The following SEC14L5 variants were observed in gnomAD, a reference collection of about 807,000 sequenced individuals.
SEC14L5 encodes the protein SEC14 like lipid binding 5, also known as SEC14-like protein 5.
SEC14L5 carries 96 observed loss-of-function variants against 84.6 expected under a neutral mutation model. The ratio of observed to expected loss-of-function variants is 1.13; its 90% CI spans 0.96 to 1.34. The LOEUF is 1.34. Among genes scored for constraint, SEC14L5 ranks in the 40% most tolerant of loss-of-function variants. SEC14L5 has a pLI of 0.00. For synonymous variants in SEC14L5, 546 were observed against 383.4 expected (o/e 1.42, Z -4.95); for missense variants, 1,224 against 942.5 (o/e 1.30, Z -3.91).
At chr16:4,989,346 T>G (rs1392953062) in intron 4 of SEC14L5, among the ~76,000 whole-genome samples, 6 of 151,694 alleles carry the variant, frequency 4.0e-5, no homozygotes, top group Non-Finnish European at 8.8e-5. Context: ...TTTGTTTGTT[T>G]TTTTGAGAGA....
At chr16:5,005,594 G>T (rs1443416426) in intron 11 of SEC14L5, among the ~76,000 whole-genome samples, 1 of 151,984 alleles carries the variant, frequency 6.6e-6, no homozygotes, top group Non-Finnish European at 1.5e-5. Context: ...AGGCGTGGTG[G>T]CTCACACCTG....
chr16:5,013,550 C>CTTTTTT lies in SEC14L5; in HGVS notation c.1980-1289_1980-1284dup, dbSNP rs869041446. Among the ~76,000 whole-genome samples the CTTTTTT allele has an allele frequency of 2.5e-3, 114 of 44,954 alleles. 9 individuals carry two copies. The highest frequency in any genetic ancestry group is 0.02 in the Middle Eastern group (1 of 50). The allele number at this position is 44,954 out of a possible 152,430, so 29.5% of individuals were successfully genotyped here. A position where few individuals can be genotyped will look rare whatever the true frequency, so the allele number is the denominator to read the frequency against. On this transcript the variant is annotated intron_variant, in intron 15 of 15. Transcript: ENST00000251170. ...TATAGGCATGGGCTAGCTTGCCTGG[C>CTTTTTT]TTTTTTTTTTTTTTTTTTTTTTTTT...
chr16:4,961,339 A>C (rs1397198975), intron 2 of SEC14L5, among the ~76,000 whole-genome samples: 1 of 152,114 alleles, frequency 6.6e-6, no homozygotes, highest in East Asian at 1.9e-4. Flanking sequence ...ATTTTCTTTT[A>C]CTTTTTCCAG....
intron 6 of SEC14L5, among the ~76,000 whole-genome samples, chr16:4,993,900 T>A (rs150865055): frequency 1.4e-4 from 21 of 152,022 alleles, no homozygotes; most frequent in Admixed American, 3.9e-4. Context: ...CACTTGTTGA[T>A]TAGTGACAAG....
chr16:4,987,571 T>C lies in SEC14L5; in HGVS notation c.78T>C (p.Arg26=), dbSNP rs1399807991. 1.3e-5 allele frequency: 20 copies of C among 1,557,576 alleles called. No individual in the cohort carries two copies. Among genetic ancestry groups the C allele is most frequent in the Non-Finnish European group, 1.7e-5 (20 of 1,152,256 alleles). ...TCTGCCCCCAGGCCTACGAGAAGCGTTTCCCCACGTGCCCACAGATCCCAG... is the reference window on the plus strand; with the variant it reads ...TCTGCCCCCAGGCCTACGAGAAGCGCTTCCCCACGTGCCCACAGATCCCAG... ...FELVMAAYEK[R]FPTCPQIPVF... The change falls in exon 3 of 16, where the codon CGT becomes CGC. Residue 26 remains arginine, a synonymous_variant. Transcript: ENST00000251170.
intron 2 of SEC14L5, among the ~76,000 whole-genome samples, chr16:4,986,753 T>G (rs2142501543): frequency 6.6e-6 from 1 of 152,378 alleles, no homozygotes; most frequent in African/African-American, 2.4e-5. Flanking sequence ...CACTTCTTTT[T>G]GTTGAATATA....
At chr16:4,984,483 T>C (rs59534424) in intron 2 of SEC14L5, among the ~76,000 whole-genome samples, 23,473 of 152,248 alleles carry the variant, frequency 0.15, 2,711 homozygotes, top group East Asian at 0.54. Flanking sequence ...TTACGAATAA[T>C]GTTGCTATAA....
Position 5,003,443 on chromosome 16 carries a change from G to C in SEC14L5, c.1172G>C (p.Arg391Pro), listed in dbSNP as rs947380428. Residue 391 changes from arginine to proline, a missense_variant, in exon 11 of 16, where the codon CGG becomes CCG. Transcript: ENST00000251170. ...CTAGACCTGGAGGGACTCAACATGC[G>C]GCACCTGTGGCGGCCGGGGGTGAAG... ...CLLDLEGLNM[R>P]HLWRPGVKAL... The C allele has an allele frequency of 2.5e-6, 4 of 1,613,444 alleles. No individual in the cohort carries two copies. Among genetic ancestry groups the C allele is most frequent in the Non-Finnish European group, 3.4e-6 (4 of 1,179,722 alleles).
In SEC14L5 at chr16:4,990,443, G is replaced by A. The variant is rs944454060; in HGVS notation, c.346-324G>A. On this transcript the variant is annotated intron_variant, in intron 4 of 15. Transcript: ENST00000251170. The stretch of plus-strand genomic sequence containing the variant: ...CTCCCAAAGTGCTCGGATTACAGGC[G>A]TGAGCCGCCATGCCCGACCTAAACA... 1.1e-4 allele frequency among the ~76,000 whole-genome samples: 17 copies of A among 152,248 alleles called. No individual in the cohort carries two copies. The East Asian group carries it at 2.1e-3, about 19-fold the overall frequency.
intron 15 of SEC14L5, among the ~76,000 whole-genome samples, chr16:5,013,928 A>C (rs1460275791): frequency 6.6e-6 from 1 of 152,102 alleles, no homozygotes; most frequent in African/African-American, 2.4e-5. Flanking sequence ...CCTGGCCTCA[A>C]GCGATCCCCC....
chr16:5,005,938 A>T lies in SEC14L5; in HGVS notation c.1327A>T (p.Thr443Ser). 5 of 1,605,190 alleles carry T rather than the reference A, an allele frequency of 3.1e-6. No individual in the cohort carries two copies. Among genetic ancestry groups the T allele is most frequent in the Non-Finnish European group, 4.3e-6 (5 of 1,176,014 alleles). Residue 443 changes from threonine (T) to serine (S), a missense_variant, in exon 12 of 16, where the codon ACC (threonine) becomes TCC (serine). By Grantham distance (58) the Thr-to-Ser change is moderately conservative. Coordinates refer to ENST00000251170, the MANE Select transcript of SEC14L5 (RefSeq NM_014692.2). ...TLISPFINEN[T>S]RRKFLIYSGS... ...GATCAGCCCCTTCATCAATGAGAAC[A>T]CCAGGCGGAAGTTCCTCATCTACAG...
chr16:5,012,033 A>T (rs1955811081), intron 15 of SEC14L5, among the ~76,000 whole-genome samples: 1 of 152,220 alleles, frequency 6.6e-6, no homozygotes, highest in African/African-American at 2.4e-5. Flanking sequence ...GGGTAAAATT[A>T]AGGCTCAAGG....
chr16:5,013,795 C>G (rs1348698545), intron 15 of SEC14L5, among the ~76,000 whole-genome samples: 1 of 152,010 alleles, frequency 6.6e-6, no homozygotes, highest in Non-Finnish European at 1.5e-5. Context: ...TGGCCTCAAG[C>G]AATCCACCCA....
At chr16:5,010,752 C>G (rs919669829) in intron 14 of SEC14L5, among the ~76,000 whole-genome samples, 8 of 152,188 alleles carry the variant, frequency 5.3e-5, no homozygotes, top group Non-Finnish European at 7.3e-5. Flanking sequence ...GCCCAAATCC[C>G]TTTCCTAATC....
intron 13 of SEC14L5, 50 bp from the exon 14 acceptor site, chr16:5,008,371 A>G (rs1955757489): frequency 5.1e-6 from 7 of 1,371,358 alleles, no homozygotes; most frequent in Non-Finnish European, 7.1e-6. Context: ...TCCCCACCCC[A>G]GCTCTACTCT....
intron 2 of SEC14L5, among the ~76,000 whole-genome samples, chr16:4,976,437 G>A (rs943038182): frequency 9.9e-5 from 15 of 152,188 alleles, no homozygotes; most frequent in South Asian, 4.1e-4. Flanking sequence ...GGATATCAGC[G>A]GCTGATGACC....
At chr16:4,965,315 T>C (rs1955184472) in intron 2 of SEC14L5, among the ~76,000 whole-genome samples, 2 of 152,334 alleles carry the variant, frequency 1.3e-5, no homozygotes, top group South Asian at 4.1e-4. Context: ...TAAATAGTGC[T>C]GCTATAAATA....
chr16:4,964,645 A>T (rs1955174157), intron 2 of SEC14L5, among the ~76,000 whole-genome samples: 1 of 151,638 alleles, frequency 6.6e-6, no homozygotes, highest in South Asian at 2.1e-4. Flanking sequence ...ACATTCCCCA[A>T]TTCTTCTTCT....
At chr16:5,007,888 G>A (rs938217946) in intron 13 of SEC14L5, among the ~76,000 whole-genome samples, 4 of 148,684 alleles carry the variant, frequency 2.7e-5, no homozygotes, top group Admixed American at 1.4e-4. Flanking sequence ...TTATAGGCGG[G>A]AGCCACGGCG....
Sources: allele counts gnomAD v4.1 joint callset (sites outside exome capture counted in the v4.1 genomes callset), GRCh38; gene constraint gnomAD v4.1.1; transcripts MANE v1.5; gene names NCBI Gene and HGNC (gene_info 2026-07-23, HGNC 2026-07-21).